The following LRBA variants were observed in gnomAD, a reference collection of about 807,000 sequenced individuals.
LRBA encodes the protein lipopolysaccharide-responsive and beige-like anchor protein.
A neutral mutation model predicts 330.0 loss-of-function variants in LRBA; 176 were observed. The observed-to-expected ratio is 0.53, with a 90% CI of 0.47 to 0.60. LRBA has a LOEUF of 0.60. Among genes scored for constraint, LRBA ranks in the 20% least tolerant of loss-of-function variants. The pLI, the probability that LRBA is intolerant of heterozygous loss-of-function variation, is 0.00. For synonymous variants in LRBA, 1,230 were observed against 1,193.0 expected (o/e 1.03, Z -0.64); for missense variants, 3,259 against 3,444.8 (o/e 0.95, Z 1.35).
chr4:150,345,239 G>A (rs1581070132), intron 48 of LRBA, among the ~76,000 whole-genome samples: 1 of 152,286 alleles, frequency 6.6e-6, no homozygotes, highest in East Asian at 1.9e-4. Flanking sequence ...CTCTAGCTGA[G>A]GGAGGGCAGG....
At position 150,928,831 on chromosome 4, in the gene LRBA, T is replaced by C; in HGVS notation, c.448+3A>G. 2 of 1,607,250 alleles carry C rather than the reference T, an allele frequency of 1.2e-6. No individual in the cohort carries two copies. The highest frequency in any genetic ancestry group is 8.5e-7 in the Non-Finnish European group (1 of 1,174,196). On this transcript the variant is annotated splice_donor_region_variant and intron_variant, in intron 3 of 56. Transcript: ENST00000651943. ...ATATATTGTACTATAGAAAAAATCA[T>C]ACCTGCTATCATATTGTCAACTTTT...
rs1431215098 is a variant in LRBA at position 150,421,376 on chromosome 4, A to C, written c.7042-5786T>G. Among the ~76,000 whole-genome samples the C allele has an allele frequency of 2.0e-5, 3 of 148,006 alleles. 1 individual carries two copies. The highest frequency in any genetic ancestry group is 4.5e-5 in the Non-Finnish European group (3 of 67,294). ...TATATACATATATACACATACACAA[A>C]ATGCAGGAAGAATTCAGTATGGACA... On this transcript the variant is annotated intron_variant, in intron 46 of 56. Transcript: ENST00000651943.
chr4:150,646,607 C>T (rs1048582388), intron 37 of LRBA, among the ~76,000 whole-genome samples: 7 of 152,078 alleles, frequency 4.6e-5, no homozygotes, highest in South Asian at 2.1e-4. Flanking sequence ...GTTGATCAGG[C>T]GAAGTCAACA....
intron 44 of LRBA, among the ~76,000 whole-genome samples, chr4:150,445,382 T>TCTCC (rs1752487743): frequency 3.1e-5 from 1 of 32,768 alleles, no homozygotes; most frequent in Non-Finnish European, 6.2e-5. Flanking sequence ...TCTCTCTATA[T>TCTCC]ATATATATAT....
At chr4:150,751,564 A>C (rs956677450) in intron 35 of LRBA, among the ~76,000 whole-genome samples, 5 of 152,172 alleles carry the variant, frequency 3.3e-5, no homozygotes, top group African/African-American at 1.2e-4. Context: ...CTTTCAAAAA[A>C]GAATTAAAGG....
chr4:150,739,494 A>T (rs1731655020), intron 35 of LRBA, among the ~76,000 whole-genome samples: 1 of 152,226 alleles, frequency 6.6e-6, no homozygotes, highest in African/African-American at 2.4e-5. Flanking sequence ...AGAAGCTCTA[A>T]GCTGACCACT....
At position 150,913,729 on chromosome 4, in the gene LRBA, G is replaced by A. The variant is rs192426866; in HGVS notation, c.1161+466C>T. On this transcript the variant is annotated intron_variant, in intron 9 of 56. Transcript: ENST00000651943. Reference sequence around the variant, plus strand: ...GCTCTGATGTTAAGTACATATATTTGTTCTATCTTTCTGGTGAACTGACCC... The same window carrying A: ...GCTCTGATGTTAAGTACATATATTTATTCTATCTTTCTGGTGAACTGACCC... Among the ~76,000 whole-genome samples the A allele has an allele frequency of 3.9e-4, 59 of 152,256 alleles. 1 individual carries two copies. In the East Asian group the frequency reaches 7.9e-3, roughly 20 times the overall value.
At chr4:150,940,516 C>A (rs368788007) in intron 2 of LRBA, among the ~76,000 whole-genome samples, 2 of 152,194 alleles carry the variant, frequency 1.3e-5, no homozygotes, top group African/African-American at 2.4e-5. Flanking sequence ...TATGCAGGTA[C>A]ATTTTAATGG....
intron 42 of LRBA, among the ~76,000 whole-genome samples, chr4:150,473,997 A>AT (rs1226394455): frequency 6.6e-6 from 1 of 152,024 alleles, no homozygotes; most frequent in Admixed American, 6.6e-5. Flanking sequence ...CAATTTCTCA[A>AT]TTTTTTCTTC....
Position 150,590,772 on chromosome 4 carries a change from A to G in LRBA, c.6134T>C (p.Leu2045Pro). ...TGACAGAGTATCATCATCGCCTTCC[A>G]GGAGGATCTCGTTTTCTGAGTTCTG... ...GNQNSENEIL[L>P]EGDDDTLSSV... The change falls in exon 39 of 57, where the codon CTG becomes CCG. Residue 2045 changes from leucine (L) to proline (P), a missense_variant. By Grantham distance (98) the Leu-to-Pro change is moderately conservative (BLOSUM62 -3). Coordinates refer to ENST00000651943, the MANE Select transcript of LRBA (RefSeq NM_001364905.1). 1 of 1,614,044 alleles carries G rather than the reference A, an allele frequency of 6.2e-7. No homozygotes were observed. Among genetic ancestry groups the G allele is most frequent in the Non-Finnish European group, 8.5e-7 (1 of 1,179,920 alleles).
At chr4:150,934,900 C>T (rs1264591821) in intron 2 of LRBA, among the ~76,000 whole-genome samples, 10 of 151,660 alleles carry the variant, frequency 6.6e-5, no homozygotes, top group African/African-American at 1.9e-4. Flanking sequence ...CCCAGCTACT[C>T]GGGAAGCTGA....
chr4:150,790,099 A>T lies in LRBA; in HGVS notation c.5580+7982T>A, dbSNP rs558295672. ...AGAGTTCCATTTCATTGAATACCCC[A>T]ATCAGCAGGGAACTTGCAGAATTAA... On this transcript the variant is annotated intron_variant, in intron 34 of 56. Coordinates refer to ENST00000651943, the MANE Select transcript of LRBA (RefSeq NM_001364905.1). Among the ~76,000 whole-genome samples, 13 of 152,340 alleles carry T rather than the reference A, an allele frequency of 8.5e-5. No homozygotes were observed. The South Asian group carries it at 2.5e-3, about 29-fold the overall frequency.
intron 46 of LRBA, among the ~76,000 whole-genome samples, chr4:150,417,955 A>G (rs1055529588): frequency 2.0e-5 from 3 of 151,974 alleles, no homozygotes; most frequent in African/African-American, 7.2e-5. Context: ...CAGGTTACTC[A>G]ACAAATTGAC....
chr4:150,639,803 ATATGTGTGTGTGTGTG>A (rs1561457717), intron 37 of LRBA, among the ~76,000 whole-genome samples: 276 of 4,706 alleles, frequency 0.059, 38 homozygotes, highest in Non-Finnish European at 0.092. Context: ...ATATATATAT[ATATGTGTGTGTGTGTG>A]TATATATATA....
At chr4:150,465,900 A>T (rs1342500208) in intron 44 of LRBA, among the ~76,000 whole-genome samples, 1 of 152,142 alleles carries the variant, frequency 6.6e-6, no homozygotes, top group Non-Finnish European at 1.5e-5. Context: ...TTTGTATTCA[A>T]TGATTTTGCT....
rs79903637 is a variant in LRBA, at chr4:150,984,544, T to A, written c.216+29883A>T. Among the ~76,000 whole-genome samples the A allele has an allele frequency of 3.4e-3, 519 of 152,220 alleles. 23 individuals carry two copies. The East Asian group carries it at 0.089, about 26-fold the overall frequency. On this transcript the variant is annotated intron_variant, in intron 2 of 56. Transcript: ENST00000651943. ...AAGAACTTTAGGATTTGATAGCATATCTAATATTCCAAAATAAATACATAT... is the reference window on the plus strand; with the variant it reads ...AAGAACTTTAGGATTTGATAGCATAACTAATATTCCAAAATAAATACATAT...
intron 40 of LRBA, among the ~76,000 whole-genome samples, chr4:150,512,458 G>T (rs1332047936): frequency 6.6e-6 from 1 of 152,118 alleles, no homozygotes; most frequent in Non-Finnish European, 1.5e-5. Context: ...TTTGGGAGGT[G>T]AACAAGTACT....
intron 40 of LRBA, among the ~76,000 whole-genome samples, chr4:150,504,304 G>C (rs1029044534): frequency 2.6e-5 from 4 of 152,186 alleles, no homozygotes; most frequent in Non-Finnish European, 5.9e-5. Flanking sequence ...ATTCACCAAA[G>C]TTGAAATGAA....
intron 40 of LRBA, among the ~76,000 whole-genome samples, chr4:150,492,214 G>A (rs192303859): frequency 7.9e-4 from 118 of 148,712 alleles, no homozygotes; most frequent in African/African-American, 2.8e-3. Flanking sequence ...ATTTAAGTCA[G>A]TAAGTATGTA....
Sources: allele counts gnomAD v4.1 joint callset (sites outside exome capture counted in the v4.1 genomes callset), GRCh38; gene constraint gnomAD v4.1.1; transcripts MANE v1.5; gene names NCBI Gene and HGNC (gene_info 2026-07-23, HGNC 2026-07-21).